Variants in PLD5 observed in about 807,000 individuals in gnomAD.
The protein encoded by PLD5 is inactive phospholipase D5.
In PLD5, 36 loss-of-function variants were observed where a neutral mutation model predicts 61.1. The ratio of observed to expected loss-of-function variants is 0.59; its 90% CI spans 0.45 to 0.78. The LOEUF (loss-of-function observed/expected upper bound fraction) is 0.78, where lower values mean the gene tolerates loss of function less well. PLD5 is among the 30% of genes least tolerant of loss of function. The pLI is 0.00. For missense variants in PLD5, 515 were observed against 644.4 expected (o/e 0.80, Z 2.17); for synonymous variants, 243 against 242.8 (o/e 1.00, Z -0.01).
At chr1:242,211,176 A>G (rs891425567) in intron 5 of PLD5, among the ~76,000 whole-genome samples, 6 of 152,214 alleles carry the variant, frequency 3.9e-5, no homozygotes, top group Non-Finnish European at 5.9e-5. Context: ...AGAAGATGCC[A>G]TCTAGGACTT....
intron 2 of PLD5, among the ~76,000 whole-genome samples, chr1:242,337,910 T>C (rs1287326695): frequency 6.6e-6 from 1 of 152,182 alleles, no homozygotes; most frequent in Non-Finnish European, 1.5e-5. Context: ...GCTTTGGATT[T>C]GTCGTTCACG....
At chr1:242,156,199 A>C (rs1665353832) in intron 5 of PLD5, among the ~76,000 whole-genome samples, 1 of 151,804 alleles carries the variant, frequency 6.6e-6, no homozygotes, top group Non-Finnish European at 1.5e-5. Flanking sequence ...CTTTCCATTT[A>C]CTTGGTAAAT....
At chr1:242,348,990 C>G (rs1367005625) in intron 1 of PLD5, among the ~76,000 whole-genome samples, 3 of 152,102 alleles carry the variant, frequency 2.0e-5, no homozygotes, top group Non-Finnish European at 2.9e-5. Flanking sequence ...GGAGGCGGAG[C>G]TTGCAGTGAG....
intron 1 of PLD5, among the ~76,000 whole-genome samples, chr1:242,434,503 G>C (rs988205426): frequency 6.6e-6 from 1 of 152,198 alleles, no homozygotes; most frequent in African/African-American, 2.4e-5. Flanking sequence ...GAAGATGCTG[G>C]GGAGGGGGAT....
intron 5 of PLD5, among the ~76,000 whole-genome samples, chr1:242,125,223 G>A (rs143906104): frequency 6.6e-6 from 1 of 152,228 alleles, no homozygotes; most frequent in Non-Finnish European, 1.5e-5. Context: ...TAATTGAAAT[G>A]GTTAATACAT....
chr1:242,194,728 C>T (rs1319322252), intron 5 of PLD5, among the ~76,000 whole-genome samples: 1 of 151,948 alleles, frequency 6.6e-6, no homozygotes, highest in East Asian at 1.9e-4. Flanking sequence ...CCATTCACAG[C>T]AAACTGGATG....
chr1:242,499,624 G>T (rs1668487464), intron 1 of PLD5, among the ~76,000 whole-genome samples: 1 of 151,962 alleles, frequency 6.6e-6, no homozygotes, highest in Admixed American at 6.5e-5. Flanking sequence ...AAGTGTAATT[G>T]GCAATAAGAT....
At position 242,089,564 on chromosome 1, in the gene PLD5, A is replaced by C. The variant is rs1659650502; in HGVS notation, c.*290T>G. The C allele has an allele frequency of 1.9e-6, 1 of 525,568 alleles. No homozygotes were observed. The highest frequency in any genetic ancestry group is 3.3e-6 in the Non-Finnish European group (1 of 303,002). The allele number at this position is 525,568 out of a possible 1,614,324, so 32.6% of individuals were successfully genotyped here. On this transcript the variant is annotated 3_prime_UTR_variant, in exon 10 of 10. Coordinates refer to ENST00000536534, the MANE Select transcript of PLD5 (RefSeq NM_001372062.1). ...GGTAGGTCAGCAGAAAAAGTTCTAA[A>C]ACTAGAAAGGAGCAGGAATGAAAGT... is the stretch of plus-strand genomic sequence containing the variant.
intron 1 of PLD5, among the ~76,000 whole-genome samples, chr1:242,493,259 C>A (rs1002617197): frequency 6.6e-6 from 1 of 152,124 alleles, no homozygotes; most frequent in Non-Finnish European, 1.5e-5. Context: ...GAGGAAAGGG[C>A]AACCTGTGGA....
At chr1:242,424,284 G>A (rs999019137) in intron 1 of PLD5, among the ~76,000 whole-genome samples, 3 of 152,068 alleles carry the variant, frequency 2.0e-5, no homozygotes. Context: ...GCTCTGATTA[G>A]CCATCAGTTT....
At chr1:242,271,931 A>C (rs970228822) in intron 3 of PLD5, among the ~76,000 whole-genome samples, 1 of 151,858 alleles carries the variant, frequency 6.6e-6, no homozygotes, top group Non-Finnish European at 1.5e-5. Flanking sequence ...AAGGGACTGA[A>C]ATAGTGTTAC....
At chr1:242,395,357 T>C (rs190521525) in intron 1 of PLD5, among the ~76,000 whole-genome samples, 7 of 152,212 alleles carry the variant, frequency 4.6e-5, no homozygotes, top group East Asian at 3.9e-4. Flanking sequence ...ACAGATCCCA[T>C]TGCTTCTTGC....
upstream of PLD5, among the ~76,000 whole-genome samples, chr1:242,526,375 C>A (rs146974126): frequency 6.6e-6 from 1 of 152,116 alleles, no homozygotes; most frequent in Non-Finnish European, 1.5e-5. Flanking sequence ...AAGACCCTGT[C>A]GGAGGTGAGG....
At chr1:242,145,230 A>G (rs1267351553) in intron 5 of PLD5, among the ~76,000 whole-genome samples, 1 of 152,202 alleles carries the variant, frequency 6.6e-6, no homozygotes, top group Non-Finnish European at 1.5e-5. Flanking sequence ...CAAGGCAGGG[A>G]TCAGAGATGG....
At chr1:242,435,970 A>G (rs1346932047) in intron 1 of PLD5, among the ~76,000 whole-genome samples, 1 of 152,200 alleles carries the variant, frequency 6.6e-6, no homozygotes, top group African/African-American at 2.4e-5. Flanking sequence ...CACAAGTGCA[A>G]TGACCTGCAC....
At chr1:242,218,037 C>A (rs770035634) in intron 5 of PLD5, among the ~76,000 whole-genome samples, 31 of 152,164 alleles carry the variant, frequency 2.0e-4, no homozygotes, top group South Asian at 2.1e-4. Context: ...GGATAAAATG[C>A]TTTTAAACAG....
chr1:242,215,402 A>G (rs190552783), intron 5 of PLD5, among the ~76,000 whole-genome samples: 190 of 152,098 alleles, frequency 1.2e-3, no homozygotes, highest in African/African-American at 4.5e-3. Flanking sequence ...AAAAGGGGGG[A>G]ATATGGGTAA....
At chr1:242,234,491 C>T (rs1671512440) in intron 4 of PLD5, among the ~76,000 whole-genome samples, 2 of 152,088 alleles carry the variant, frequency 1.3e-5, no homozygotes, top group Admixed American at 1.3e-4. Context: ...GGTGAAGAGG[C>T]AATGCCAGGT....
At position 242,412,415 on chromosome 1, in the gene PLD5, T is replaced by C. The variant is rs534226697; in HGVS notation, c.190-64173A>G. 2.3e-4 allele frequency among the ~76,000 whole-genome samples: 35 copies of C among 152,374 alleles called. No homozygotes were observed. The South Asian group carries it at 6.2e-3, about 27-fold the overall frequency. On this transcript the variant is annotated intron_variant, in intron 1 of 9. Coordinates refer to ENST00000536534, the MANE Select transcript of PLD5 (RefSeq NM_001372062.1). ...ATCCATCAATCATATTCAGATTTTC[T>C]TGGTGTAAGAAAAAGTAGCACAGGG...
Sources: gnomAD v4.1 joint callset for allele counts (sites outside exome capture counted in the v4.1 genomes callset) on GRCh38, gnomAD v4.1.1 for gene constraint, MANE v1.5 for transcripts, NCBI Gene and HGNC (gene_info 2026-07-23, HGNC 2026-07-21) for gene names.